Variants in SEPTIN14 observed in about 807,000 individuals in gnomAD.
SEPTIN14 encodes septin-14.
A neutral mutation model predicts 53.6 loss-of-function variants in SEPTIN14; 40 were observed. The observed-to-expected ratio is 0.75, with a 90% CI of 0.58 to 0.97. SEPTIN14 has a LOEUF of 0.97. Ranked by LOEUF, SEPTIN14 falls within the 50% of genes least tolerant of loss-of-function variation. The pLI is 0.00. For synonymous variants in SEPTIN14, 138 were observed against 166.8 expected (o/e 0.83, Z 1.33); for missense variants, 471 against 508.2 (o/e 0.93, Z 0.70).
At chr7:55,848,755 C>G (rs1789470431) in intron 2 of SEPTIN14, among the ~76,000 whole-genome samples, 1 of 151,494 alleles carries the variant, frequency 6.6e-6, no homozygotes, top group East Asian at 2.0e-4. Flanking sequence ...CTACAGGCAC[C>G]TGCCACTACG....
intron 9 of SEPTIN14, among the ~76,000 whole-genome samples, chr7:55,803,143 G>A (rs1239694431): frequency 6.6e-6 from 1 of 152,056 alleles, no homozygotes; most frequent in African/African-American, 2.4e-5. Flanking sequence ...TCACCATGTT[G>A]GTCAGGCTGG....
intron 6 of SEPTIN14, among the ~76,000 whole-genome samples, chr7:55,830,054 T>C (rs752094703): frequency 1.3e-4 from 20 of 149,246 alleles, no homozygotes; most frequent in Non-Finnish European, 2.8e-4. Flanking sequence ...GGCGGGCGCC[T>C]ATAGTCCCAG....
chr7:55,830,807 A>G (rs1789097477), intron 6 of SEPTIN14, among the ~76,000 whole-genome samples: 1 of 152,146 alleles, frequency 6.6e-6, no homozygotes, highest in Non-Finnish European at 1.5e-5. Context: ...AATAACAAGT[A>G]ATGAAATTGA....
rs1788404327 is a variant in SEPTIN14 at position 55,794,952 on chromosome 7, T to G, written c.*961A>C. 1 of 151,988 alleles carries G rather than the reference T, an allele frequency of 6.6e-6. No individual in the cohort carries two copies. The highest frequency in any genetic ancestry group is 1.5e-5 in the Non-Finnish European group (1 of 68,008). The allele number at this position is 151,988 out of a possible 1,614,324, so 9.4% of individuals were successfully genotyped here. On this transcript the variant is annotated 3_prime_UTR_variant, in exon 10 of 10. Coordinates refer to ENST00000388975, the MANE Select transcript of SEPTIN14 (RefSeq NM_207366.3). Reference sequence around the variant, plus strand: ...AGGTGTGAGCCACCACACCTGGCCTTATTTTCTACAACTTTGATAACTTTG... The same window carrying G: ...AGGTGTGAGCCACCACACCTGGCCTGATTTTCTACAACTTTGATAACTTTG...
Position 55,844,553 on chromosome 7 carries a change from C to G in SEPTIN14, c.341G>C (p.Gly114Ala), listed in dbSNP as rs754813975. The change falls in exon 4 of 10, where the codon GGG becomes GCG. Residue 114 changes from glycine to alanine, a missense_variant. Coordinates refer to ENST00000388975, the MANE Select transcript of SEPTIN14 (RefSeq NM_207366.3). ...TTCTTTGTCTATTTGATCACCATAC[C>G]CTACTGTCTCCACAACAGTCAATTT... ...QLKLTVVETV[G>A]YGDQIDKEAS... 7.6e-6 allele frequency: 12 copies of G among 1,584,818 alleles called. No individual in the cohort carries two copies. The highest frequency in any genetic ancestry group is 9.5e-6 in the Non-Finnish European group (11 of 1,161,164).
chr7:55,817,482 T>A (rs947482424), intron 7 of SEPTIN14, among the ~76,000 whole-genome samples: 5 of 150,142 alleles, frequency 3.3e-5, no homozygotes, highest in East Asian at 1.9e-4. Context: ...ATATATTTTT[T>A]TTTTTTGAAA....
At chr7:55,821,833 A>G (rs998947582) in intron 6 of SEPTIN14, among the ~76,000 whole-genome samples, 1 of 152,190 alleles carries the variant, frequency 6.6e-6, no homozygotes, top group African/African-American at 2.4e-5. Context: ...GAAACCACCT[A>G]TATTAGTCTG....
In SEPTIN14 at chr7:55,861,975, T is replaced by C; in HGVS notation, c.22A>G (p.Met8Val). MAERTMA[M>V]PTQIPADGDT... Reference sequence around the variant, plus strand: ...CCATCAGCAGGTATTTGTGTGGGCATAGCCATTGTTCTTTCTGCCATGCTA... The same window carrying C: ...CCATCAGCAGGTATTTGTGTGGGCACAGCCATTGTTCTTTCTGCCATGCTA... Residue 8 changes from methionine to valine, a missense_variant, in exon 2 of 10, where the codon ATG (methionine) becomes GTG (valine). Physicochemically the swap from Met to Val is conservative, Grantham distance 21 (BLOSUM62 1). Transcript: ENST00000388975. The C allele has an allele frequency of 6.3e-7, 1 of 1,585,420 alleles. No homozygotes were observed. Among genetic ancestry groups the C allele is most frequent in the Non-Finnish European group, 8.6e-7 (1 of 1,169,230 alleles).
chr7:55,850,296 C>G (rs1173854468), intron 2 of SEPTIN14, among the ~76,000 whole-genome samples: 3 of 151,996 alleles, frequency 2.0e-5, no homozygotes, highest in African/African-American at 7.2e-5. Context: ...CATGGTGAAA[C>G]TCCATCTCTA....
At chr7:55,811,287 T>G in intron 7 of SEPTIN14, 1 of 515,092 alleles carries the variant, frequency 1.9e-6, no homozygotes, top group Non-Finnish European at 3.9e-6. Flanking sequence ...GTTCTGCCTG[T>G]CAGACTCAAT....
At chr7:55,856,775 G>C (rs553634357) in intron 2 of SEPTIN14, among the ~76,000 whole-genome samples, 4 of 152,150 alleles carry the variant, frequency 2.6e-5, no homozygotes, top group Non-Finnish European at 5.9e-5. Context: ...ATAGCGCTGA[G>C]ATGAAAACAA....
intron 7 of SEPTIN14, among the ~76,000 whole-genome samples, chr7:55,814,908 G>A (rs1788766397): frequency 6.6e-6 from 1 of 152,134 alleles, no homozygotes; most frequent in African/African-American, 2.4e-5. Flanking sequence ...CAAAGCTATA[G>A]TAAGTGAAAC....
intron 9 of SEPTIN14, among the ~76,000 whole-genome samples, chr7:55,799,611 A>G (rs1486880760): frequency 6.6e-6 from 1 of 152,030 alleles, no homozygotes; most frequent in Non-Finnish European, 1.5e-5. Flanking sequence ...CTTATTGCAG[A>G]CAATTAGACT....
chr7:55,812,975 A>G (rs1475224263), intron 7 of SEPTIN14, among the ~76,000 whole-genome samples: 1 of 148,482 alleles, frequency 6.7e-6, no homozygotes. Context: ...TTTTAGATGG[A>G]GTCTCGCTCT....
intron 5 of SEPTIN14, 34 bp downstream of exon 5, chr7:55,842,907 CA>C (rs369212193): frequency 0.044 from 43,303 of 988,158 alleles, 16 homozygotes; most frequent in South Asian, 0.067. Flanking sequence ...GACTCCGTCT[CA>C]AAAAAAAAAA....
intron 6 of SEPTIN14, among the ~76,000 whole-genome samples, chr7:55,823,153 T>G (rs1788926121): frequency 1.3e-5 from 2 of 152,330 alleles, no homozygotes; most frequent in South Asian, 4.1e-4. Flanking sequence ...TGAGAACCTG[T>G]CTTCCTGCTT....
chr7:55,830,321 G>GTATATATATATATATATATA (rs746498199), intron 6 of SEPTIN14, among the ~76,000 whole-genome samples: 3 of 84,720 alleles, frequency 3.5e-5, no homozygotes, highest in African/African-American at 1.6e-4. Context: ...TTATCCAACT[G>GTATATATATATATATATATA]TATATATATA....
intron 7 of SEPTIN14, chr7:55,811,113 G>A (rs1788698024): frequency 2.1e-6 from 1 of 468,052 alleles, no homozygotes; most frequent in Admixed American, 2.5e-5. Context: ...TGTTTGAATA[G>A]CTCCCGCGGT....
intron 6 of SEPTIN14, among the ~76,000 whole-genome samples, chr7:55,830,010 C>T (rs1327248291): frequency 5.3e-5 from 8 of 151,212 alleles, no homozygotes; most frequent in East Asian, 2.0e-4. Flanking sequence ...AACCCCGTCT[C>T]TACTGAAAAT....
Sources: gnomAD v4.1 joint callset for allele counts (sites outside exome capture counted in the v4.1 genomes callset) on GRCh38, gnomAD v4.1.1 for gene constraint, MANE v1.5 for transcripts, NCBI Gene and HGNC (gene_info 2026-07-23, HGNC 2026-07-21) for gene names.